Variants in PIP4K2B observed in about 807,000 individuals in gnomAD.
PIP4K2B encodes the protein phosphatidylinositol-5-phosphate 4-kinase type 2 beta.
A neutral mutation model predicts 42.0 loss-of-function variants in PIP4K2B; 3 were observed. The ratio of observed to expected loss-of-function variants is 0.07; its 90% CI spans 0.03 to 0.18. The LOEUF is 0.18. Ranked by LOEUF, PIP4K2B falls within the 10% of genes least tolerant of loss-of-function variation. The probability of loss-of-function intolerance (pLI) is 1.00; values close to 1 mark genes in which losing one functional copy is unlikely to be tolerated. For synonymous variants in PIP4K2B, 204 were observed against 210.1 expected, an observed-to-expected ratio of 0.97 and a Z score of 0.25; for missense variants, 332 against 562.3, an observed-to-expected ratio of 0.59 and a Z score of 4.14.
In PIP4K2B at chr17:38,779,319, T is replaced by C. The variant is rs73985004; in HGVS notation, c.654+64A>G. On this transcript the variant is annotated intron_variant, in intron 5 of 9. Transcript: ENST00000619039. The stretch of plus-strand genomic sequence containing the variant: ...CTTCCCAATTACATGGAAGTTGGAG[T>C]AGTGGCCCCTTCGGGGCTCAGATAG... The C allele has an allele frequency of 7.3e-3, 10,863 of 1,484,958 alleles. 679 individuals are homozygous for C. The African/African-American group carries it at 0.14, about 18-fold the overall frequency. The allele number at this position is 1,484,958 out of a possible 1,614,324, so 92.0% of individuals were successfully genotyped here. A position where few individuals can be genotyped will look rare whatever the true frequency, so the allele number is the denominator to read the frequency against.
rs536083378 is a variant in PIP4K2B at position 38,799,224 on chromosome 17, C to T, written c.159+42G>A. 40 of 1,536,368 alleles carry T rather than the reference C, an allele frequency of 2.6e-5. No homozygotes were observed. The South Asian group carries it at 4.0e-4, about 15-fold the overall frequency. The stretch of plus-strand genomic sequence containing the variant: ...CCCAGGGCTGCAGGGGGCGTGGGAG[C>T]GCGCGGGGCCGCGCTCAGAGGGGCG... On this transcript the variant is annotated intron_variant, in intron 1 of 9. Coordinates refer to ENST00000619039, the MANE Select transcript of PIP4K2B (RefSeq NM_003559.5). This position sits in a 1 kb window ranked among gnomAD's most constrained non-coding sequence, Gnocchi z 4.4.
chr17:38,783,609 T>C (rs1363687041), intron 3 of PIP4K2B, among the ~76,000 whole-genome samples: 2 of 152,172 alleles, frequency 1.3e-5, no homozygotes, highest in Non-Finnish European at 2.9e-5. Context: ...CTCTCTCTTT[T>C]TTTTTTTTGA....
At position 38,780,470 on chromosome 17, in the gene PIP4K2B, G is replaced by C; in HGVS notation, c.489C>G (p.Ile163Met). ...ACCATACCTGGTGGTATTTCTTTAA[G>C]ATGTTGTGCATCTCCGCCACGTCCT... ...SSEDVAEMHN[I>M]LKKYHQFIVE... The change falls in exon 4 of 10, where the codon ATC becomes ATG. Residue 163 changes from isoleucine to methionine, a missense_variant. By Grantham distance (10) the Ile-to-Met change is conservative. This residue lies in a region of PIP4K2B where 186 missense variants were observed against 288.4 expected (regional missense o/e 0.64). Coordinates refer to ENST00000619039, the MANE Select transcript of PIP4K2B (RefSeq NM_003559.5). The C allele has an allele frequency of 6.2e-7, 1 of 1,612,386 alleles. No individual in the cohort carries two copies. Among genetic ancestry groups the C allele is most frequent in the South Asian group, 1.1e-5 (1 of 91,018 alleles).
At chr17:38,795,838 CCAAT>C (rs1204970630) in intron 1 of PIP4K2B, among the ~76,000 whole-genome samples, 2 of 151,334 alleles carry the variant, frequency 1.3e-5, no homozygotes, top group African/African-American at 2.4e-5. Context: ...CACAGAAATG[CCAAT>C]CAAAGTCACA....
At chr17:38,786,222 T>C (rs760246675) in intron 2 of PIP4K2B, among the ~76,000 whole-genome samples, 5 of 151,982 alleles carry the variant, frequency 3.3e-5, no homozygotes, top group Non-Finnish European at 7.4e-5. Flanking sequence ...GGATGGAAAA[T>C]CCAGGCCCCA....
At chr17:38,783,584 G>A (rs892181441) in intron 3 of PIP4K2B, among the ~76,000 whole-genome samples, 38 of 151,154 alleles carry the variant, frequency 2.5e-4, no homozygotes, top group Middle Eastern at 6.4e-3. Flanking sequence ...CTCATCTCTC[G>A]CTAACAACAA....
At chr17:38,784,407 AT>A in intron 2 of PIP4K2B, 68 bp from the exon 3 acceptor site, 1 of 835,990 alleles carries the variant, frequency 1.2e-6, no homozygotes, top group Non-Finnish European at 1.9e-6. Context: ...TATTATTATT[AT>A]TTTTTGTAAT....
chr17:38,767,303 C>G lies in PIP4K2B; in HGVS notation c.*2388G>C. 1 of 151,910 alleles carries G rather than the reference C, an allele frequency of 6.6e-6. No homozygotes were observed. The highest frequency in any genetic ancestry group is 3.2e-3 in the Middle Eastern group (1 of 316). 9.4% of individuals were successfully genotyped at this position (151,910 alleles called of 1,614,324 possible). A position where few individuals can be genotyped will look rare whatever the true frequency, so the allele number is the denominator to read the frequency against. ...GAAGAGAAAGGAAACTTGTATAAAC[C>G]AAGATAAATAGCTTTTAAACATTTG... On this transcript the variant is annotated 3_prime_UTR_variant, in exon 10 of 10. Coordinates refer to ENST00000619039, the MANE Select transcript of PIP4K2B (RefSeq NM_003559.5).
intron 1 of PIP4K2B, among the ~76,000 whole-genome samples, chr17:38,790,310 A>C (rs1033979645): frequency 1.3e-5 from 2 of 152,178 alleles, no homozygotes; most frequent in African/African-American, 4.8e-5. Flanking sequence ...GCCAACAGAA[A>C]CAATTCGTGG....
chr17:38,777,385 C>T (rs1225911543), intron 7 of PIP4K2B, among the ~76,000 whole-genome samples: 2 of 152,126 alleles, frequency 1.3e-5, no homozygotes, highest in African/African-American at 2.4e-5. Flanking sequence ...GGCCAGATGC[C>T]CTCTCCATTG....
chr17:38,779,417 T>A lies in PIP4K2B; in HGVS notation c.620A>T (p.His207Leu). The change falls in exon 5 of 10, where the codon CAT (histidine) becomes CTT (leucine). Residue 207 changes from histidine (H) to leucine (L), a missense_variant. Coordinates refer to ENST00000619039, the MANE Select transcript of PIP4K2B (RefSeq NM_003559.5). ...ATACTTGCGATGCACAGTGAGCCGA[T>A]GGCTGAACACGTTCCTGGTAACCAC... is the stretch of plus-strand genomic sequence containing the variant. Reference protein sequence around the residue: ...YMVVTRNVFSHRLTVHRKYDL... With the variant: ...YMVVTRNVFSLRLTVHRKYDL... The A allele has an allele frequency of 6.2e-7, 1 of 1,612,924 alleles. No homozygotes were observed. The highest frequency in any genetic ancestry group is 1.8e-4 in the Middle Eastern group (1 of 5,460).
chr17:38,793,242 TTTTC>T (rs1442023173), intron 1 of PIP4K2B, among the ~76,000 whole-genome samples: 264 of 149,078 alleles, frequency 1.8e-3, no homozygotes, highest in African/African-American at 6.1e-3. Context: ...TCTGAAGATT[TTTTC>T]TTTTTTTTTT....
At chr17:38,790,433 T>G (rs1910282733) in intron 1 of PIP4K2B, among the ~76,000 whole-genome samples, 1 of 152,126 alleles carries the variant, frequency 6.6e-6, no homozygotes, top group South Asian at 2.1e-4. Context: ...ACGCCTATAA[T>G]CCCAACACTT....
Position 38,780,526 on chromosome 17 carries a change from G to T in PIP4K2B, c.433C>A (p.Arg145=). The change falls in exon 4 of 10, where the codon CGG becomes AGG. Residue 145 remains arginine, a synonymous_variant. Coordinates refer to ENST00000619039, the MANE Select transcript of PIP4K2B (RefSeq NM_003559.5). ...GACACAGTCTTGATGACAAAGCGCC[G>T]GTCGTAGGTGGTGAGGAAACGCGTG... ...CGTRFLTTYD[R]RFVIKTVSSE... 2.5e-6 allele frequency: 4 copies of T among 1,614,004 alleles called. No homozygotes were observed. The highest frequency in any genetic ancestry group is 3.4e-6 in the Non-Finnish European group (4 of 1,179,888).
At chr17:38,792,120 C>T (rs550689704) in intron 1 of PIP4K2B, among the ~76,000 whole-genome samples, 1 of 151,914 alleles carries the variant, frequency 6.6e-6, no homozygotes, top group South Asian at 2.1e-4. Context: ...AATGAGTTCA[C>T]TCTATGCTGA....
intron 6 of PIP4K2B, among the ~76,000 whole-genome samples, 167 bp from the exon 7 acceptor site, chr17:38,777,967 T>A (rs549421272): frequency 6.6e-6 from 1 of 150,608 alleles, no homozygotes; most frequent in Non-Finnish European, 1.5e-5. Flanking sequence ...TCCCAGGCTT[T>A]GGGTGGGCAG....
At chr17:38,798,738 AAGGAAACCC>A (rs933876518) in intron 1 of PIP4K2B, among the ~76,000 whole-genome samples, 1 of 152,174 alleles carries the variant, frequency 6.6e-6, no homozygotes, top group African/African-American at 2.4e-5. Context: ...AGGGAAAAAA[AAGGAAACCC>A]AGGGTGGAGT....
At chr17:38,776,279 C>G (rs1374856136) in intron 7 of PIP4K2B, among the ~76,000 whole-genome samples, 1 of 152,110 alleles carries the variant, frequency 6.6e-6, no homozygotes, top group Non-Finnish European at 1.5e-5. Context: ...TGTTTGCTTC[C>G]TCTTATGTGA....
chr17:38,777,562 T>C, intron 7 of PIP4K2B, 125 bp downstream of exon 7: 2 of 707,004 alleles, frequency 2.8e-6, no homozygotes, highest in East Asian at 5.0e-5. Flanking sequence ...CCCACGCTGC[T>C]CAAATCACCA....
Sources: gnomAD v4.1 joint callset for allele counts (sites outside exome capture counted in the v4.1 genomes callset) on GRCh38, gnomAD v4.1.1 for gene constraint, gnomAD v4.1.1 regional missense constraint, Gnocchi (gnomAD v3.1) non-coding constraint, MANE v1.5 for transcripts, NCBI Gene and HGNC (gene_info 2026-07-23, HGNC 2026-07-21) for gene names.